Variants in DENND6B observed in about 807,000 individuals in gnomAD.
DENND6B encodes the protein DENN domain containing 6B.
A neutral mutation model predicts 85.1 loss-of-function variants in DENND6B; 73 were observed. That is an observed-to-expected ratio of 0.86 (90% confidence interval 0.71 to 1.04). The LOEUF is 1.04. Ranked by LOEUF, DENND6B falls within the 50% of genes least tolerant of loss-of-function variation. The probability of loss-of-function intolerance (pLI) is 0.00; values close to 1 mark genes in which losing one functional copy is unlikely to be tolerated. For synonymous variants in DENND6B, 357 were observed against 329.3 expected (o/e 1.08, Z -0.91); for missense variants, 715 against 785.8 (o/e 0.91, Z 1.08).
In DENND6B at chr22:50,311,792, C is replaced by T. The variant is rs565309923; in HGVS notation, c.*347G>A. ...AGCATCACACACAGCGCAGGGGGGT[C>T]GGGGGCCAACAGATGGGCACCGGGA... is the stretch of plus-strand genomic sequence containing the variant. On this transcript the variant is annotated 3_prime_UTR_variant, in exon 20 of 20. Transcript: ENST00000413817. The T allele has an allele frequency of 1.6e-4, 57 of 352,456 alleles. No individual in the cohort carries two copies. The Admixed American group carries it at 2.2e-3, about 13-fold the overall frequency. The allele number at this position is 352,456 out of a possible 1,614,324, so 21.8% of individuals were successfully genotyped here.
intron 13 of DENND6B, 61 bp downstream of exon 13, chr22:50,314,146 C>T (rs560021955): frequency 2.0e-5 from 30 of 1,528,402 alleles, no homozygotes; most frequent in Non-Finnish European, 2.3e-5. Context: ...CCGAGAGACC[C>T]GCCAGGTACA....
chr22:50,322,241 A>G (rs2042067777), intron 1 of DENND6B, among the ~76,000 whole-genome samples: 1 of 151,868 alleles, frequency 6.6e-6, no homozygotes, highest in African/African-American at 2.4e-5. Context: ...TGCCCAGCTA[A>G]TTTTTTGTAT....
At chr22:50,317,147 G>A in intron 5 of DENND6B, 146 bp downstream of exon 5, 8 of 790,082 alleles carry the variant, frequency 1.0e-5, no homozygotes, top group Non-Finnish European at 1.6e-5. Flanking sequence ...GGGGCGGCAA[G>A]GAGAGCTGGA....
At chr22:50,314,147 G>T (rs111779373) in intron 13 of DENND6B, 60 bp downstream of exon 13, 2 of 1,532,630 alleles carry the variant, frequency 1.3e-6, no homozygotes, top group East Asian at 4.6e-5. Flanking sequence ...CGAGAGACCC[G>T]CCAGGTACAA....
intron 5 of DENND6B, chr22:50,316,721 G>A (rs1166675708): frequency 1.4e-6 from 2 of 1,437,092 alleles, no homozygotes; most frequent in Non-Finnish European, 1.8e-6. Context: ...GCCTTCGGAG[G>A]GAAACGCACG....
rs765169081 is a variant in DENND6B at position 50,312,092 on chromosome 22, G to C, written c.*47C>G. ...GTGCCGCCACCACTGGGGAGTGGGA[G>C]GCTCAGGCAGACCTAGGGCCCTGGG... On this transcript the variant is annotated 3_prime_UTR_variant, in exon 20 of 20. Coordinates refer to ENST00000413817, the MANE Select transcript of DENND6B (RefSeq NM_001001794.4). 1 of 1,598,428 alleles carries C rather than the reference G, an allele frequency of 6.3e-7. No individual in the cohort carries two copies. The highest frequency in any genetic ancestry group is 8.5e-7 in the Non-Finnish European group (1 of 1,171,758).
chr22:50,311,180 C>A lies in DENND6B; in HGVS notation c.*959G>T, dbSNP rs1444451378. On this transcript the variant is annotated 3_prime_UTR_variant, in exon 20 of 20. Transcript: ENST00000413817. Reference sequence around the variant, plus strand: ...AGGGCTTGGCTGTCCGGAGCCCTGACAGTACCGTCACTGTGTGCTGTGCAG... The same window carrying A: ...AGGGCTTGGCTGTCCGGAGCCCTGAAAGTACCGTCACTGTGTGCTGTGCAG... 2 of 152,232 alleles carry A rather than the reference C, an allele frequency of 1.3e-5. No individual in the cohort carries two copies. The highest frequency in any genetic ancestry group is 2.9e-5 in the Non-Finnish European group (2 of 68,104). The allele number at this position is 152,232 out of a possible 1,614,324, so 9.4% of individuals were successfully genotyped here.
chr22:50,313,675 C>T lies in DENND6B; in HGVS notation c.1253G>A (p.Arg418Gln), dbSNP rs369679219. 84 of 1,598,398 alleles carry T rather than the reference C, an allele frequency of 5.3e-5. No individual in the cohort carries two copies. Among genetic ancestry groups the T allele is most frequent in the Middle Eastern group, 1.7e-4 (1 of 5,996 alleles). The change falls in exon 15 of 20, where the codon CGG becomes CAG. Residue 418 changes from arginine (R) to glutamine (Q), a missense_variant. By Grantham distance (43) the Arg-to-Gln change is conservative. Transcript: ENST00000413817. Reference protein sequence around the residue: ...PSDVQSALLRRHLLELTQSFI... With the variant: ...PSDVQSALLRQHLLELTQSFI... ...GCTCTGGGTGAGCTCCAGGAGGTGC[C>T]GCCGCAGCAGGGCGCTCTGCACATC...
intron 1 of DENND6B, 79 bp downstream of exon 1, chr22:50,326,733 G>A: frequency 7.3e-6 from 9 of 1,224,526 alleles, no homozygotes; most frequent in Non-Finnish European, 9.3e-6. Context: ...GGGCGGCCGA[G>A]GGCCCCAAGC....
rs1374683344 is a variant in DENND6B at position 50,313,735 on chromosome 22, G to A, written c.1204-11C>T. On this transcript the variant is annotated splice_polypyrimidine_tract_variant and intron_variant, in intron 14 of 19. Transcript: ENST00000413817. ...CTTCTTCTGCACGCCCTGCAGGGGAGAGAGGGCCAGGCCCTTGCTGCGCTT... is the reference window on the plus strand; with the variant it reads ...CTTCTTCTGCACGCCCTGCAGGGGAAAGAGGGCCAGGCCCTTGCTGCGCTT... 1.2e-6 allele frequency: 2 copies of A among 1,604,510 alleles called. No individual in the cohort carries two copies. The highest frequency in any genetic ancestry group is 1.7e-6 in the Non-Finnish European group (2 of 1,177,046).
chr22:50,325,324 G>A (rs1276916086), intron 1 of DENND6B, among the ~76,000 whole-genome samples: 1 of 149,694 alleles, frequency 6.7e-6, no homozygotes, highest in Admixed American at 6.7e-5. Context: ...TTAAGGAACA[G>A]AGGAACCTCC....
At position 50,311,782 on chromosome 22, in the gene DENND6B, G is replaced by A. The variant is rs1057231709; in HGVS notation, c.*357C>T. On this transcript the variant is annotated 3_prime_UTR_variant, in exon 20 of 20. Transcript: ENST00000413817. The stretch of plus-strand genomic sequence containing the variant: ...GGCTGAGGGAAGCATCACACACAGC[G>A]CAGGGGGGTCGGGGGCCAACAGATG... The A allele has an allele frequency of 2.7e-5, 9 of 336,558 alleles. No individual in the cohort carries two copies. The highest frequency in any genetic ancestry group is 4.3e-5 in the Admixed American group (1 of 23,058). The allele number at this position is 336,558 out of a possible 1,614,324, so 20.8% of individuals were successfully genotyped here. A position where few individuals can be genotyped will look rare whatever the true frequency, so the allele number is the denominator to read the frequency against.
Position 50,315,699 on chromosome 22 carries a change from C to T in DENND6B, c.758+15G>A. The T allele has an allele frequency of 6.4e-7, 1 of 1,564,956 alleles. No individual in the cohort carries two copies. Among genetic ancestry groups the T allele is most frequent in the Non-Finnish European group, 8.6e-7 (1 of 1,156,624 alleles). ...AGCTCCTCAAAAGCAGTGTGCAGAA[C>T]CCTAGGGGGCTCACCTGAACAGGTC... is the stretch of plus-strand genomic sequence containing the variant. On this transcript the variant is annotated intron_variant, in intron 9 of 19. Transcript: ENST00000413817.
Position 50,312,995 on chromosome 22 carries a change from G to T in DENND6B, c.1457+4C>A, listed in dbSNP as rs766794580. The T allele has an allele frequency of 1.3e-6, 2 of 1,553,454 alleles. No individual in the cohort carries two copies. Among genetic ancestry groups the T allele is most frequent in the East Asian group, 4.9e-5 (2 of 41,160 alleles). On this transcript the variant is annotated splice_donor_region_variant and intron_variant, in intron 17 of 19. Coordinates refer to ENST00000413817, the MANE Select transcript of DENND6B (RefSeq NM_001001794.4). ...CAAGCTGCCTGCACCTGCAGTCCACGCACCTGTAGAGACCCAGCCAGTCGC... is the reference window on the plus strand; with the variant it reads ...CAAGCTGCCTGCACCTGCAGTCCACTCACCTGTAGAGACCCAGCCAGTCGC...
chr22:50,321,823 C>A (rs1253784514), intron 1 of DENND6B, among the ~76,000 whole-genome samples: 1 of 150,602 alleles, frequency 6.6e-6, no homozygotes, highest in Non-Finnish European at 1.5e-5. Context: ...TGCGCCCCCA[C>A]ACATGGCCAA....
At chr22:50,312,715 G>T (rs2068089137) in intron 17 of DENND6B, 90 bp from the exon 18 acceptor site, 5 of 575,462 alleles carry the variant, frequency 8.7e-6, no homozygotes, top group Non-Finnish European at 1.2e-5. Context: ...ATTGACAGGC[G>T]GGGGGCCATG....
chr22:50,321,378 T>C lies in DENND6B; in HGVS notation c.178-2375A>G, dbSNP rs571623451. On this transcript the variant is annotated intron_variant, in intron 1 of 19. Transcript: ENST00000413817. ...TTTTTATTTTTTATTTATTTATTTT[T>C]TGAGACGGGGTCTTGCTCTGTCACC... is the stretch of plus-strand genomic sequence containing the variant. Among the ~76,000 whole-genome samples, 21 of 152,344 alleles carry C rather than the reference T, an allele frequency of 1.4e-4. No homozygotes were observed. The East Asian group carries it at 3.7e-3, about 27-fold the overall frequency.
chr22:50,313,762 ACAC>A, intron 14 of DENND6B, 38 bp from the exon 15 acceptor site: 1 of 1,608,060 alleles, frequency 6.2e-7, no homozygotes. Flanking sequence ...GCTGCGCTTC[ACAC>A]CACACCAGGC....
chr22:50,326,839 G>A lies in DENND6B; in HGVS notation c.150C>T (p.Phe50=). 1 of 1,440,788 alleles carries A rather than the reference G, an allele frequency of 6.9e-7. No homozygotes were observed. The highest frequency in any genetic ancestry group is 9.1e-7 in the Non-Finnish European group (1 of 1,102,296). The allele number at this position is 1,440,788 out of a possible 1,614,324, so 89.3% of individuals were successfully genotyped here. The change falls in exon 1 of 20, where the codon TTC becomes TTT. Residue 50 remains phenylalanine, a synonymous_variant. Transcript: ENST00000413817. ...CCAGCGCCTGGCCCAGCTCCAGGTC[G>A]AAGGTGACCACGCACACACACTCCA... is the stretch of plus-strand genomic sequence containing the variant. ...AWLECVCVVT[F]DLELGQALEL...
Sources: gnomAD v4.1 joint callset for allele counts (sites outside exome capture counted in the v4.1 genomes callset) on GRCh38, gnomAD v4.1.1 for gene constraint, MANE v1.5 for transcripts, NCBI Gene and HGNC (gene_info 2026-07-23, HGNC 2026-07-21) for gene names.